EIF3J: variants seen among roughly 807,000 people sequenced by gnomAD.
EIF3J encodes eukaryotic translation initiation factor 3 subunit J, also known as eukaryotic translation initiation factor 3, subunit 1 (alpha, 35kD).
A neutral mutation model predicts 39.0 loss-of-function variants in EIF3J; 15 were observed. That is an observed-to-expected ratio of 0.38 (90% CI 0.26 to 0.59). The LOEUF is 0.59. Ranked by LOEUF, EIF3J falls within the 20% of genes least tolerant of loss-of-function variation. The pLI is 0.60. For synonymous variants in EIF3J, 98 were observed against 112.9 expected (o/e 0.87, Z 0.84); for missense variants, 226 against 308.6 (o/e 0.73, Z 2.00).
In EIF3J at chr15:44,554,535, A is replaced by T. The variant is rs113207902; in HGVS notation, c.295-18A>T. On this transcript the variant is annotated intron_variant, in intron 4 of 7. Coordinates refer to ENST00000261868, the MANE Select transcript of EIF3J (RefSeq NM_003758.4). ...ATCATAATCCCTGTGCTTTTTAAAA[A>T]CTTTTGTCTCATTTTAGTTAGAAGA... is the stretch of plus-strand genomic sequence containing the variant. 3.5e-4 allele frequency: 546 copies of T among 1,561,886 alleles called. 4 individuals are homozygous for T. In the African/African-American group the frequency reaches 5.5e-3, roughly 16 times the overall value.
chr15:44,539,761 A>G (rs2081994508), intron 2 of EIF3J, among the ~76,000 whole-genome samples: 1 of 141,514 alleles, frequency 7.1e-6, no homozygotes, highest in South Asian at 2.2e-4. Context: ...AACTTAAAGC[A>G]ATCTATCTAT....
At chr15:44,553,891 T>C (rs1319106875) in intron 4 of EIF3J, among the ~76,000 whole-genome samples, 2 of 152,250 alleles carry the variant, frequency 1.3e-5, no homozygotes, top group African/African-American at 4.8e-5. Context: ...AATATAGTTT[T>C]AGTAGCAGTG....
chr15:44,557,544 C>G lies in EIF3J; in HGVS notation c.465C>G (p.Asp155Glu), dbSNP rs563900098. 1 of 1,558,416 alleles carries G rather than the reference C, an allele frequency of 6.4e-7. No homozygotes were observed. Among genetic ancestry groups the G allele is most frequent in the East Asian group, 2.4e-5 (1 of 42,400 alleles). Reference protein sequence around the residue: ...IDAMNPSSRDDFTEFGKLLKD... With the variant: ...IDAMNPSSRDEFTEFGKLLKD... ...CTATGAACCCATCTTCAAGAGATGA[C>G]TTTACAGAGTTTGGAAAGTTACTAA... Residue 155 changes from aspartate (D) to glutamate (E), a missense_variant, in exon 6 of 8, where the codon GAC becomes GAG. Asp to Glu is a conservative substitution (Grantham distance 45). Around this residue, in one of 2 missense-constraint regions of EIF3J, gnomAD observed 83 missense variants for 152.6 expected, o/e 0.54. Coordinates refer to ENST00000261868, the MANE Select transcript of EIF3J (RefSeq NM_003758.4).
At chr15:44,539,762 A>G (rs1232396941) in intron 2 of EIF3J, among the ~76,000 whole-genome samples, 5 of 139,510 alleles carry the variant, frequency 3.6e-5, no homozygotes, top group Non-Finnish European at 4.6e-5. Context: ...ACTTAAAGCA[A>G]TCTATCTATT....
At chr15:44,556,771 C>T (rs1333332223) in intron 5 of EIF3J, among the ~76,000 whole-genome samples, 1 of 152,104 alleles carries the variant, frequency 6.6e-6, no homozygotes, top group African/African-American at 2.4e-5. Flanking sequence ...CTAGGCCTCC[C>T]AAAGTGTTGG....
intron 2 of EIF3J, among the ~76,000 whole-genome samples, chr15:44,546,648 A>G (rs2082054989): frequency 6.6e-6 from 1 of 152,034 alleles, no homozygotes; most frequent in Admixed American, 6.6e-5. Context: ...TGCTGAGACA[A>G]TGGCCAGGCT....
In EIF3J at chr15:44,562,291, C is replaced by A. The variant is rs74935427; in HGVS notation, c.*1142C>A. 14,806 of 152,452 alleles carry A rather than the reference C, an allele frequency of 0.097. 1,492 individuals carry two copies. The highest frequency in any genetic ancestry group is 0.24 in the African/African-American group (9,839 of 41,436). The allele number at this position is 152,452 out of a possible 1,614,324, so 9.4% of individuals were successfully genotyped here. A position where few individuals can be genotyped will look rare whatever the true frequency, so the allele number is the denominator to read the frequency against. On this transcript the variant is annotated 3_prime_UTR_variant, in exon 8 of 8. Coordinates refer to ENST00000261868, the MANE Select transcript of EIF3J (RefSeq NM_003758.4). ...TGCCTTCCTCTTATTTATTTGGGGACATTATTTTGTTATTTAGATACCAAG... is the reference window on the plus strand; with the variant it reads ...TGCCTTCCTCTTATTTATTTGGGGAAATTATTTTGTTATTTAGATACCAAG...
intron 2 of EIF3J, among the ~76,000 whole-genome samples, chr15:44,539,191 T>C (rs181952716): frequency 6.6e-6 from 1 of 151,938 alleles, no homozygotes; most frequent in Admixed American, 6.5e-5. Flanking sequence ...CACGCCTGGC[T>C]AATTTTGTAT....
intron 2 of EIF3J, among the ~76,000 whole-genome samples, chr15:44,547,438 T>C (rs116361801): frequency 0.077 from 11,259 of 145,596 alleles, 935 homozygotes; most frequent in African/African-American, 0.2. Context: ...CCGGCCTTGA[T>C]TCTTTTTTTT....
intron 2 of EIF3J, among the ~76,000 whole-genome samples, chr15:44,546,743 A>C (rs978921965): frequency 6.6e-6 from 1 of 151,748 alleles, no homozygotes; most frequent in African/African-American, 2.4e-5. Flanking sequence ...GAGCTTTTAG[A>C]AAATTGTGTT....
intron 6 of EIF3J, among the ~76,000 whole-genome samples, chr15:44,559,898 A>AG (rs2082177827): frequency 6.6e-6 from 1 of 152,072 alleles, no homozygotes; most frequent in Admixed American, 6.6e-5. Flanking sequence ...TGGTGATTAC[A>AG]GGTCGTCATT....
chr15:44,547,501 G>A (rs1315054532), intron 2 of EIF3J, among the ~76,000 whole-genome samples: 2 of 145,898 alleles, frequency 1.4e-5, no homozygotes, highest in African/African-American at 5.2e-5. Context: ...CTGGGCTGGA[G>A]TGCAGTGGCA....
chr15:44,550,865 C>A lies in EIF3J; in HGVS notation c.148-11C>A. Reference sequence around the variant, plus strand: ...CATGCAAGAATTATTAATGGAAGTCCTTTTCTTTAGGATAACTGGGATGAC... The same window carrying A: ...CATGCAAGAATTATTAATGGAAGTCATTTTCTTTAGGATAACTGGGATGAC... On this transcript the variant is annotated splice_polypyrimidine_tract_variant and intron_variant, in intron 2 of 7. Coordinates refer to ENST00000261868, the MANE Select transcript of EIF3J (RefSeq NM_003758.4). 6.4e-7 allele frequency: 1 copy of A among 1,570,088 alleles called. No homozygotes were observed. The highest frequency in any genetic ancestry group is 1.2e-5 in the South Asian group (1 of 86,830).
chr15:44,546,058 C>T (rs2082050338), intron 2 of EIF3J, among the ~76,000 whole-genome samples: 1 of 152,238 alleles, frequency 6.6e-6, no homozygotes, highest in South Asian at 2.1e-4. Flanking sequence ...CCCCCTATCA[C>T]TCACAGATCC....
intron 2 of EIF3J, among the ~76,000 whole-genome samples, chr15:44,546,633 G>C (rs1368415962): frequency 6.6e-6 from 1 of 152,002 alleles, no homozygotes; most frequent in Non-Finnish European, 1.5e-5. Context: ...AGTGTGCCTG[G>C]TGGCTGCTGA....
chr15:44,540,975 C>T (rs911559261), intron 2 of EIF3J, among the ~76,000 whole-genome samples: 2 of 152,150 alleles, frequency 1.3e-5, no homozygotes, highest in African/African-American at 4.8e-5. Flanking sequence ...TTTTGCTGTC[C>T]TTGACTTTTC....
At chr15:44,554,419 T>A in intron 4 of EIF3J, 134 bp from the exon 5 acceptor site, 1 of 328,758 alleles carries the variant, frequency 3.0e-6, no homozygotes. Flanking sequence ...TTTAGAAGAA[T>A]GCCTGAAACA....
At chr15:44,550,504 G>T (rs1189656934) in intron 2 of EIF3J, among the ~76,000 whole-genome samples, 2 of 150,784 alleles carry the variant, frequency 1.3e-5, no homozygotes, top group African/African-American at 4.9e-5. Flanking sequence ...CTTGCCGATA[G>T]GTTTTTATAC....
At chr15:44,558,510 C>T (rs576053967) in intron 6 of EIF3J, among the ~76,000 whole-genome samples, 10 of 151,836 alleles carry the variant, frequency 6.6e-5, no homozygotes, top group Non-Finnish European at 1.0e-4. Context: ...GCCTGGGTGA[C>T]CAAGTGAGAC....
Sources: allele counts gnomAD v4.1 joint callset (sites outside exome capture counted in the v4.1 genomes callset), GRCh38; gene constraint gnomAD v4.1.1; regional missense constraint gnomAD v4.1.1; transcripts MANE v1.5; gene names NCBI Gene and HGNC (gene_info 2026-07-23, HGNC 2026-07-21).